KLHL2: variants seen among roughly 807,000 people sequenced by gnomAD.
The protein encoded by KLHL2 is kelch like family member 2.
A neutral mutation model predicts 75.8 loss-of-function variants in KLHL2; 15 were observed. That is an observed-to-expected ratio of 0.20 (90% confidence interval 0.13 to 0.30). KLHL2 has a LOEUF of 0.30. Ranked by LOEUF, KLHL2 falls within the 10% of genes least tolerant of loss-of-function variation. The pLI is 1.00. For missense variants in KLHL2, 381 were observed against 741.0 expected (o/e 0.51, Z 5.64); for synonymous variants, 214 against 251.9 (o/e 0.85, Z 1.42).
At chr4:165,243,855 A>G (rs1406931261) in intron 4 of KLHL2, among the ~76,000 whole-genome samples, 1 of 152,232 alleles carries the variant, frequency 6.6e-6, no homozygotes, top group African/African-American at 2.4e-5. Flanking sequence ...AGTTGGCTTA[A>G]TCAATAAAAA....
At chr4:165,225,421 A>G (rs1367959866) in intron 2 of KLHL2, among the ~76,000 whole-genome samples, 5 of 152,224 alleles carry the variant, frequency 3.3e-5, no homozygotes, top group Non-Finnish European at 1.5e-5. Context: ...AGTCCTTGAT[A>G]AGTGAATGAA....
At chr4:165,292,932 C>T (rs1744625449) in intron 5 of KLHL2, among the ~76,000 whole-genome samples, 1 of 152,176 alleles carries the variant, frequency 6.6e-6, no homozygotes. Context: ...TCCTTACTCT[C>T]TACAGACACA....
At chr4:165,208,393 C>T (rs943053188) in intron 1 of KLHL2, 1 of 152,378 alleles carries the variant, frequency 6.6e-6, no homozygotes, top group Admixed American at 6.5e-5. Context: ...GCTTTTGCAT[C>T]ACTCTAAATG....
chr4:165,282,373 G>A (rs1743759230), intron 5 of KLHL2, among the ~76,000 whole-genome samples: 1 of 152,178 alleles, frequency 6.6e-6, no homozygotes. Context: ...GTTGTGTTAG[G>A]CTTATATTAA....
At chr4:165,273,461 T>C (rs1222806485) in intron 5 of KLHL2, among the ~76,000 whole-genome samples, 1 of 152,226 alleles carries the variant, frequency 6.6e-6, no homozygotes, top group Non-Finnish European at 1.5e-5. Context: ...TTTGGCTATG[T>C]CCCCACCCAG....
intron 2 of KLHL2, among the ~76,000 whole-genome samples, chr4:165,224,773 G>A (rs1578986822): frequency 6.6e-6 from 1 of 152,112 alleles, no homozygotes; most frequent in African/African-American, 2.4e-5. Flanking sequence ...TTTGATACAG[G>A]TTTATAATGT....
At chr4:165,301,981 T>C (rs983339191) in intron 8 of KLHL2, among the ~76,000 whole-genome samples, 1 of 152,236 alleles carries the variant, frequency 6.6e-6, no homozygotes, top group African/African-American at 2.4e-5. Flanking sequence ...TTTACATTGT[T>C]CCTGGACTTC....
At chr4:165,259,474 C>T (rs1233254129) in intron 4 of KLHL2, among the ~76,000 whole-genome samples, 1 of 152,224 alleles carries the variant, frequency 6.6e-6, no homozygotes, top group African/African-American at 2.4e-5. Context: ...TCATTATGCA[C>T]ATTTTGGTTA....
At chr4:165,253,384 A>G (rs1740900800) in intron 4 of KLHL2, among the ~76,000 whole-genome samples, 1 of 152,204 alleles carries the variant, frequency 6.6e-6, no homozygotes. Context: ...ACCTAATACA[A>G]TGTAAATGCT....
chr4:165,225,129 A>C (rs954860832), intron 2 of KLHL2, among the ~76,000 whole-genome samples: 1 of 152,130 alleles, frequency 6.6e-6, no homozygotes, highest in Non-Finnish European at 1.5e-5. Context: ...TAGGAGATGG[A>C]GTGCCTTTCT....
At chr4:165,284,911 G>A (rs1309687252) in intron 5 of KLHL2, among the ~76,000 whole-genome samples, 2 of 152,188 alleles carry the variant, frequency 1.3e-5, no homozygotes, top group Admixed American at 1.3e-4. Flanking sequence ...AACAGAGCTT[G>A]TGCAAGGAAA....
intron 5 of KLHL2, among the ~76,000 whole-genome samples, chr4:165,291,117 T>A (rs72995992): frequency 6.6e-6 from 1 of 152,176 alleles, no homozygotes; most frequent in Non-Finnish European, 1.5e-5. Flanking sequence ...TATTTGCCAT[T>A]TGTATATGTC....
chr4:165,278,588 C>A (rs1161981107), intron 5 of KLHL2: 11 of 1,592,882 alleles, frequency 6.9e-6, no homozygotes, highest in Non-Finnish European at 9.5e-6. Context: ...ATAAGAAGTA[C>A]CTACTTCTTT....
rs1183241997 is a variant in KLHL2, at chr4:165,278,119, C to T, written c.544+14760C>T. 1.9e-6 allele frequency: 3 copies of T among 1,552,190 alleles called. No individual in the cohort carries two copies. In the South Asian group the frequency reaches 3.3e-5, roughly 17 times the overall value. On this transcript the variant is annotated intron_variant, in intron 5 of 14. Transcript: ENST00000226725. The stretch of plus-strand genomic sequence containing the variant: ...ATTGAGTTGTAACCCAACCCATTGA[C>T]TTCATCACAGCTTTCTTCCATGTAG...
rs114250268 is a variant in KLHL2 at position 165,294,509 on chromosome 4, C to T, written c.654+41C>T. The T allele has an allele frequency of 4.2e-3, 4,740 of 1,116,868 alleles. 102 individuals carry two copies. The African/African-American group carries it at 0.057, about 13-fold the overall frequency. 69.2% of individuals were successfully genotyped at this position (1,116,868 alleles called of 1,614,324 possible). Reference sequence around the variant, plus strand: ...TTTTCCCAGTGTGCAATGATGTTTCCCTTTTTTTTTTTTTAATTTCACTTT... The same window carrying T: ...TTTTCCCAGTGTGCAATGATGTTTCTCTTTTTTTTTTTTTAATTTCACTTT... On this transcript the variant is annotated intron_variant, in intron 6 of 14. Coordinates refer to ENST00000226725, the MANE Select transcript of KLHL2 (RefSeq NM_007246.4).
intron 4 of KLHL2, among the ~76,000 whole-genome samples, chr4:165,262,070 G>A (rs1433629129): frequency 6.6e-6 from 1 of 151,824 alleles, no homozygotes; most frequent in African/African-American, 2.4e-5. Context: ...TTTCAAATAT[G>A]GTCCTTTATA....
chr4:165,286,006 G>C (rs1251493942), intron 5 of KLHL2, among the ~76,000 whole-genome samples: 1 of 152,210 alleles, frequency 6.6e-6, no homozygotes, highest in Non-Finnish European at 1.5e-5. Flanking sequence ...GATTGGGCAA[G>C]ATGTTTAACA....
Position 165,277,730 on chromosome 4 carries a change from T to A in KLHL2, c.544+14371T>A. The A allele has an allele frequency of 1.1e-5, 6 of 568,656 alleles. No homozygotes were observed. In the South Asian group the frequency reaches 1.2e-4, roughly 12 times the overall value. 35.2% of individuals were successfully genotyped at this position (568,656 alleles called of 1,614,324 possible). On this transcript the variant is annotated intron_variant, in intron 5 of 14. Transcript: ENST00000226725. Reference sequence around the variant, plus strand: ...AGCCCCAAAGGTAGCTGGCCCAACCTTAACTGTGGATGTTAAAAACACACA... The same window carrying A: ...AGCCCCAAAGGTAGCTGGCCCAACCATAACTGTGGATGTTAAAAACACACA...
At chr4:165,239,084 T>C (rs983220886) in intron 4 of KLHL2, among the ~76,000 whole-genome samples, 185 bp downstream of exon 4, 1 of 152,202 alleles carries the variant, frequency 6.6e-6, no homozygotes, top group Non-Finnish European at 1.5e-5. Context: ...GTATCTTTTA[T>C]ATTCCTTAAG....
Sources: allele counts gnomAD v4.1 joint callset (sites outside exome capture counted in the v4.1 genomes callset), GRCh38; gene constraint gnomAD v4.1.1; transcripts MANE v1.5; gene names NCBI Gene and HGNC (gene_info 2026-07-23, HGNC 2026-07-21).